Variants in ADAM32 observed in about 807,000 individuals in gnomAD.
ADAM32 encodes the protein ADAM metallopeptidase domain 32, also known as disintegrin and metalloproteinase domain-containing protein 32.
Under a neutral mutation model 114.9 loss-of-function variants are expected in ADAM32, and 89 were observed. The observed-to-expected ratio is 0.77, with a 90% CI of 0.65 to 0.92. The LOEUF (loss-of-function observed/expected upper bound fraction) is 0.92. ADAM32 is among the 40% of genes least tolerant of loss of function. ADAM32 has a pLI of 0.00. For missense variants in ADAM32, 870 were observed against 932.8 expected, an observed-to-expected ratio of 0.93 and a Z score of 0.88; for synonymous variants, 285 against 307.5, an observed-to-expected ratio of 0.93 and a Z score of 0.77.
intron 2 of ADAM32, among the ~76,000 whole-genome samples, chr8:39,134,588 G>T (rs1480435095): frequency 1.3e-5 from 2 of 151,940 alleles, no homozygotes; most frequent in African/African-American, 2.4e-5. Context: ...TCACTGTTTT[G>T]GTACCTCTTT....
chr8:39,177,059 TC>T (rs1805574971), intron 10 of ADAM32, among the ~76,000 whole-genome samples: 1 of 144,324 alleles, frequency 6.9e-6, no homozygotes, highest in Non-Finnish European at 1.5e-5. Context: ...CTTCATCTCC[TC>T]CTTTTTTTTT....
In ADAM32 at chr8:39,217,186, C is replaced by T. The variant is rs546357640; in HGVS notation, c.1234-4424C>T. Among the ~76,000 whole-genome samples the T allele has an allele frequency of 1.4e-4, 22 of 152,012 alleles. No homozygotes were observed. The South Asian group carries it at 4.4e-3, about 30-fold the overall frequency. On this transcript the variant is annotated intron_variant, in intron 12 of 24. Transcript: ENST00000379907. ...TCCAGCACTTTTAAATATGTCATGCCACTCTCTCCTGACCTGTAAGGTTTC... is the reference window on the plus strand; with the variant it reads ...TCCAGCACTTTTAAATATGTCATGCTACTCTCTCCTGACCTGTAAGGTTTC...
At chr8:39,166,559 T>C (rs1804852293) in intron 9 of ADAM32, 2 of 152,228 alleles carry the variant, frequency 1.3e-5, no homozygotes, top group Non-Finnish European at 2.9e-5. Flanking sequence ...TACCCAGTAG[T>C]GGGATTGCTG....
rs567221449 is a variant in ADAM32, at chr8:39,274,694, G to A, written c.2240+344G>A. On this transcript the variant is annotated intron_variant, in intron 21 of 24. Coordinates refer to ENST00000379907, the MANE Select transcript of ADAM32 (RefSeq NM_145004.7). ...CCATGTGCTTCATAACAATGTTTTG[G>A]TAAATGAGAAACCACATGTATGATG... is the stretch of plus-strand genomic sequence containing the variant. 1.1e-3 allele frequency among the ~76,000 whole-genome samples: 168 copies of A among 152,262 alleles called. 1 individual carries two copies. The highest frequency in any genetic ancestry group is 3.9e-3 in the African/African-American group (162 of 41,562).
intron 23 of ADAM32, 133 bp from the exon 24 acceptor site, chr8:39,283,453 A>G: frequency 1.6e-6 from 1 of 621,482 alleles, no homozygotes; most frequent in Non-Finnish European, 2.5e-6. Flanking sequence ...AGAGGTAGAA[A>G]TTTGGCAAAT....
At chr8:39,236,299 T>C (rs906586534) in intron 16 of ADAM32, among the ~76,000 whole-genome samples, 1 of 152,188 alleles carries the variant, frequency 6.6e-6, no homozygotes, top group Non-Finnish European at 1.5e-5. Flanking sequence ...TTTTTTACTA[T>C]GTAAAACTTT....
In ADAM32 at chr8:39,182,439, A is replaced by G. The variant is rs577463455; in HGVS notation, c.916-4470A>G. 1.9e-4 allele frequency among the ~76,000 whole-genome samples: 29 copies of G among 152,356 alleles called. 1 individual carries two copies. In the Middle Eastern group the frequency reaches 0.01, roughly 54 times the overall value. On this transcript the variant is annotated intron_variant, in intron 10 of 24. Transcript: ENST00000379907. ...ATTGTCTGCCTTTACCATGCACAAC[A>G]TGATGTTTTGAAGACTGTATACATT...
chr8:39,120,818 T>C (rs1331224877), intron 2 of ADAM32, among the ~76,000 whole-genome samples: 1 of 149,714 alleles, frequency 6.7e-6, no homozygotes, highest in Non-Finnish European at 1.5e-5. Flanking sequence ...ATGAGAAATG[T>C]TATTGGAGAC....
At chr8:39,218,387 C>CA (rs1808731873) in intron 12 of ADAM32, among the ~76,000 whole-genome samples, 1 of 152,078 alleles carries the variant, frequency 6.6e-6, no homozygotes. Context: ...TATGTTCACT[C>CA]AAGGCCCTGG....
At chr8:39,121,627 T>C (rs1033485424) in intron 2 of ADAM32, among the ~76,000 whole-genome samples, 3 of 152,124 alleles carry the variant, frequency 2.0e-5, no homozygotes, top group Admixed American at 6.6e-5. Flanking sequence ...AGAATGACCC[T>C]GAAAGCAATT....
chr8:39,176,931 C>T (rs1333677060), intron 10 of ADAM32, among the ~76,000 whole-genome samples: 1 of 152,080 alleles, frequency 6.6e-6, no homozygotes, highest in Non-Finnish European at 1.5e-5. Flanking sequence ...AACCCTTTAC[C>T]ATTATGTAAT....
In ADAM32 at chr8:39,232,099, G is replaced by A; in HGVS notation, c.1598G>A (p.Arg533Lys). Residue 533 changes from arginine to lysine, a missense_variant, in exon 15 of 25, where the codon AGG becomes AAG. Physicochemically the swap from Arg to Lys is conservative, Grantham distance 26 (BLOSUM62 2). Coordinates refer to ENST00000379907, the MANE Select transcript of ADAM32 (RefSeq NM_145004.7). ...TCAGACAGATTTGGGAACTGTGGTAGGGATAGAAATAACAAATATGTGTTC... is the reference window on the plus strand; with the variant it reads ...TCAGACAGATTTGGGAACTGTGGTAAGGATAGAAATAACAAATATGTGTTC... ...SQSDRFGNCG[R>K]DRNNKYVFCG... The A allele has an allele frequency of 6.2e-7, 1 of 1,611,050 alleles. No homozygotes were observed. The highest frequency in any genetic ancestry group is 1.1e-5 in the South Asian group (1 of 90,790).
At chr8:39,123,694 A>G (rs1199947079) in intron 2 of ADAM32, among the ~76,000 whole-genome samples, 1 of 139,178 alleles carries the variant, frequency 7.2e-6, no homozygotes, top group African/African-American at 2.7e-5. Flanking sequence ...AAGTTTGGTA[A>G]TTTTCTTTCC....
At position 39,169,966 on chromosome 8, in the gene ADAM32, G is replaced by A. The variant is rs1253308081; in HGVS notation, c.884G>A (p.Cys295Tyr). Residue 295 changes from cysteine to tyrosine, a missense_variant, in exon 10 of 25, where the codon TGT becomes TAT. By Grantham distance (194) the Cys-to-Tyr change is radical (BLOSUM62 -2). Coordinates refer to ENST00000379907, the MANE Select transcript of ADAM32 (RefSeq NM_145004.7). Reference protein sequence around the residue: ...YLGAVFPGTMCITRYSAGVAL... With the variant: ...YLGAVFPGTMYITRYSAGVAL... ...GGAGCAGTGTTTCCTGGAACAATGT[G>A]TATTACTCGTTATTCTGCAGGAGTT... 76 of 1,599,942 alleles carry A rather than the reference G, an allele frequency of 4.8e-5. No homozygotes were observed. Among genetic ancestry groups the A allele is most frequent in the Non-Finnish European group, 6.5e-5 (76 of 1,171,332 alleles).
chr8:39,134,840 A>G (rs1211971179), intron 2 of ADAM32, among the ~76,000 whole-genome samples: 2 of 152,152 alleles, frequency 1.3e-5, no homozygotes, highest in African/African-American at 4.8e-5. Flanking sequence ...AACTGCTTGC[A>G]CATCAAATCC....
At chr8:39,258,273 G>A (rs541776475) in intron 19 of ADAM32, among the ~76,000 whole-genome samples, 1 of 149,738 alleles carries the variant, frequency 6.7e-6, no homozygotes, top group African/African-American at 2.4e-5. Context: ...CCTCCTTTCT[G>A]GTCTTTTTAC....
chr8:39,168,909 A>G (rs1244166271), intron 9 of ADAM32: 2 of 152,152 alleles, frequency 1.3e-5, no homozygotes, highest in Non-Finnish European at 2.9e-5. Flanking sequence ...TCTAAGTTGT[A>G]AAAAAAGGGC....
intron 7 of ADAM32, 60 bp from the exon 8 acceptor site, chr8:39,164,704 A>G (rs927195172): frequency 7.6e-7 from 1 of 1,322,850 alleles, no homozygotes; most frequent in African/African-American, 1.5e-5. Context: ...GATGGAAAAG[A>G]ATCTTAAAAA....
At chr8:39,222,140 T>C (rs1809014156) in intron 13 of ADAM32, among the ~76,000 whole-genome samples, 1 of 152,070 alleles carries the variant, frequency 6.6e-6, no homozygotes, top group South Asian at 2.1e-4. Flanking sequence ...ATGGTACATG[T>C]AGCATAACAT....
Sources: allele counts gnomAD v4.1 joint callset (sites outside exome capture counted in the v4.1 genomes callset), GRCh38; gene constraint gnomAD v4.1.1; transcripts MANE v1.5; gene names NCBI Gene and HGNC (gene_info 2026-07-23, HGNC 2026-07-21).